The following UNC13C variants were observed in gnomAD, a reference collection of about 807,000 sequenced individuals.
UNC13C encodes the protein protein unc-13 homolog C.
A neutral mutation model predicts 245.4 loss-of-function variants in UNC13C; 174 were observed. The observed-to-expected ratio is 0.71, with a 90% confidence interval of 0.63 to 0.80. UNC13C has a LOEUF of 0.80. UNC13C is among the 30% of genes least tolerant of loss of function. The probability of loss-of-function intolerance (pLI) is 0.00; values close to 1 mark genes in which losing one functional copy is unlikely to be tolerated. For missense variants in UNC13C, 2,829 were observed against 2,602.9 expected, an observed-to-expected ratio of 1.09 and a Z score of -1.89; for synonymous variants, 992 against 895.1, an observed-to-expected ratio of 1.11 and a Z score of -1.93.
At chr15:53,927,229 G>A in the UNC13C span, among the ~76,000 whole-genome samples, 1 of 152,190 alleles carries the variant, frequency 6.6e-6, no homozygotes, top group African/African-American at 2.4e-5. Flanking sequence ...ATTTAACCTA[G>A]GCTCTGGAGT....
rs139687879 is a variant in UNC13C, at chr15:53,998,498, C to T, written c.-256-14150C>T. Among the ~76,000 whole-genome samples, 581 of 152,128 alleles carry T rather than the reference C, an allele frequency of 3.8e-3. 5 individuals carry two copies. The highest frequency in any genetic ancestry group is 0.013 in the African/African-American group (560 of 41,536). On this transcript the variant is annotated intron_variant, in intron 1 of 32. Transcript: ENST00000260323. ...CTGTGAGCTTGCCAAATTTAGTTTT[C>T]AGCTTTTATACTTATTTTGAAGATT...
At chr15:54,438,210 T>A (rs1890325219) in intron 19 of UNC13C, among the ~76,000 whole-genome samples, 1 of 151,874 alleles carries the variant, frequency 6.6e-6, no homozygotes, top group Admixed American at 6.6e-5. Context: ...CCATAGAACT[T>A]CTAAACTGCA....
At chr15:54,319,560 A>G (rs1398515217) in intron 13 of UNC13C, among the ~76,000 whole-genome samples, 3 of 151,964 alleles carry the variant, frequency 2.0e-5, no homozygotes, top group Admixed American at 2.0e-4. Context: ...ATGCACCTTT[A>G]AAGATTTAAC....
At chr15:54,570,682 G>C (rs1370949091) in intron 30 of UNC13C, among the ~76,000 whole-genome samples, 1 of 152,006 alleles carries the variant, frequency 6.6e-6, no homozygotes, top group Non-Finnish European at 1.5e-5. Context: ...TACACCCTTT[G>C]GAAAATTGTG....
chr15:53,879,165 A>T, the UNC13C span, among the ~76,000 whole-genome samples: 4 of 152,032 alleles, frequency 2.6e-5, no homozygotes, highest in African/African-American at 9.7e-5. Flanking sequence ...TCATTCATTG[A>T]TTCATTTATT....
At chr15:54,132,060 G>GTTTTTTTTTTTTCTT (rs1555420947) in intron 2 of UNC13C, among the ~76,000 whole-genome samples, 1 of 35,622 alleles carries the variant, frequency 2.8e-5, no homozygotes, top group Non-Finnish European at 5.5e-5. Flanking sequence ...TTGCAATTCA[G>GTTTTTTTTTTTTCTT]TTTTTTTCTT....
the UNC13C span, among the ~76,000 whole-genome samples, chr15:53,861,118 CTT>C: frequency 3.9e-5 from 6 of 152,218 alleles, no homozygotes; most frequent in African/African-American, 1.4e-4. Flanking sequence ...ATATATTTCT[CTT>C]TATTTCATAT....
intron 19 of UNC13C, among the ~76,000 whole-genome samples, chr15:54,467,296 T>A (rs1364277927): frequency 6.6e-6 from 1 of 151,808 alleles, no homozygotes; most frequent in African/African-American, 2.4e-5. Context: ...ATGATAATGA[T>A]GGCTATTTAA....
rs184313581 is a variant in UNC13C, at chr15:54,250,541, A to G, written c.3448+97A>G. On this transcript the variant is annotated intron_variant, in intron 8 of 32. Transcript: ENST00000260323. ...CTTCAACTCTTGCTGGTTGTCAAGA[A>G]ATCCTACCCGCTCCCCTCCCACCAC... 7.9e-6 allele frequency: 9 copies of G among 1,141,662 alleles called. No homozygotes were observed. In the East Asian group the frequency reaches 2.1e-4, roughly 26 times the overall value. 70.7% of individuals were successfully genotyped at this position (1,141,662 alleles called of 1,614,324 possible). A position where few individuals can be genotyped will look rare whatever the true frequency, so the allele number is the denominator to read the frequency against.
the UNC13C span, among the ~76,000 whole-genome samples, chr15:53,889,430 T>C: frequency 6.6e-6 from 1 of 152,330 alleles, no homozygotes; most frequent in Non-Finnish European, 1.5e-5. Context: ...TGAAGTTGCT[T>C]ATGAGTTTAA....
intron 4 of UNC13C, among the ~76,000 whole-genome samples, chr15:54,202,844 G>A (rs1055554040): frequency 6.6e-6 from 1 of 151,940 alleles, no homozygotes; most frequent in East Asian, 1.9e-4. Context: ...AAAAGCATCG[G>A]CACAGCAAAA....
intron 19 of UNC13C, among the ~76,000 whole-genome samples, chr15:54,488,759 A>G (rs886573709): frequency 6.6e-6 from 1 of 152,174 alleles, no homozygotes; most frequent in African/African-American, 2.4e-5. Context: ...GTAGTAAAAT[A>G]TTCACATTTC....
intron 32 of UNC13C, among the ~76,000 whole-genome samples, chr15:54,624,614 C>T (rs1475886830): frequency 2.0e-5 from 3 of 151,992 alleles, no homozygotes; most frequent in Non-Finnish European, 2.9e-5. Flanking sequence ...TTGCTGTGTA[C>T]AGAAATAATT....
At chr15:54,488,000 G>T (rs1362936465) in intron 19 of UNC13C, among the ~76,000 whole-genome samples, 1 of 150,182 alleles carries the variant, frequency 6.7e-6, no homozygotes, top group East Asian at 2.0e-4. Context: ...GGATTTTGAT[G>T]ATTTCTTGCC....
intron 2 of UNC13C, among the ~76,000 whole-genome samples, chr15:54,079,597 A>G (rs1288002667): frequency 6.6e-6 from 1 of 151,882 alleles, no homozygotes; most frequent in Non-Finnish European, 1.5e-5. Flanking sequence ...TGAGTTTTTC[A>G]TTTGGTTCTC....
chr15:54,261,693 A>G (rs8028982), intron 8 of UNC13C, among the ~76,000 whole-genome samples: 87,364 of 151,868 alleles, frequency 0.58, 27,186 homozygotes, highest in African/African-American at 0.82. Flanking sequence ...ACAGGCGCCC[A>G]CCACTACGCC....
chr15:53,868,693 C>T, the UNC13C span, among the ~76,000 whole-genome samples: 1 of 152,106 alleles, frequency 6.6e-6, no homozygotes, highest in Non-Finnish European at 1.5e-5. Context: ...AAAAATGACC[C>T]ATGCGGTCTG....
At chr15:54,369,350 TG>T (rs2039438190) in intron 17 of UNC13C, among the ~76,000 whole-genome samples, 1 of 152,172 alleles carries the variant, frequency 6.6e-6, no homozygotes, top group Non-Finnish European at 1.5e-5. Flanking sequence ...GAAGCCCTTT[TG>T]TTTATTTACT....
chr15:53,844,073 A>G, the UNC13C span, among the ~76,000 whole-genome samples: 43 of 152,322 alleles, frequency 2.8e-4, no homozygotes, highest in African/African-American at 9.9e-4. Flanking sequence ...GGAAGGTCCC[A>G]GCTGAAGGGA....
Sources: allele counts gnomAD v4.1 joint callset (sites outside exome capture counted in the v4.1 genomes callset), GRCh38; gene constraint gnomAD v4.1.1; transcripts MANE v1.5; gene names NCBI Gene and HGNC (gene_info 2026-07-23, HGNC 2026-07-21).